Variants in DDX1 observed in about 807,000 individuals in gnomAD.
The protein encoded by DDX1 is DEAD-box helicase 1.
A neutral mutation model predicts 108.7 loss-of-function variants in DDX1; 28 were observed. The ratio of observed to expected loss-of-function variants is 0.26; its 90% CI spans 0.19 to 0.35. The LOEUF (loss-of-function observed/expected upper bound fraction) is 0.35. Ranked by LOEUF, DDX1 falls within the 10% of genes least tolerant of loss-of-function variation. DDX1 has a pLI of 1.00. For missense variants in DDX1, 710 were observed against 884.5 expected (o/e 0.80, Z 2.50); for synonymous variants, 295 against 288.9 (o/e 1.02, Z -0.21).
At chr2:15,596,594 A>T in intron 3 of DDX1, 140 bp from the exon 4 acceptor site, 1 of 670,738 alleles carries the variant, frequency 1.5e-6, no homozygotes, top group East Asian at 2.6e-5. Flanking sequence ...GAGTTGACAG[A>T]GGAACCCTGG....
chr2:15,629,710 G>A lies in DDX1; in HGVS notation c.1971+13G>A. ...CAACGAGATGCAGGTAAGACTTCGAGTTAGGCTCACAAATAATGTATTAAA... is the reference window on the plus strand; with the variant it reads ...CAACGAGATGCAGGTAAGACTTCGAATTAGGCTCACAAATAATGTATTAAA... On this transcript the variant is annotated intron_variant, in intron 24 of 25. Transcript: ENST00000233084. 6.6e-7 allele frequency: 1 copy of A among 1,523,154 alleles called. No individual in the cohort carries two copies. The highest frequency in any genetic ancestry group is 1.3e-5 in the South Asian group (1 of 77,646). 94.4% of individuals were successfully genotyped at this position (1,523,154 alleles called of 1,614,324 possible). A position where few individuals can be genotyped will look rare whatever the true frequency, so the allele number is the denominator to read the frequency against.
chr2:15,599,856 C>A, intron 6 of DDX1, 140 bp downstream of exon 6: 1 of 582,858 alleles, frequency 1.7e-6, no homozygotes, highest in Non-Finnish European at 3.0e-6. Flanking sequence ...CAGTATAGAA[C>A]TGACATAGGA....
intron 20 of DDX1, 126 bp downstream of exon 20, chr2:15,627,271 A>G: frequency 1.8e-6 from 1 of 544,146 alleles, no homozygotes; most frequent in Non-Finnish European, 3.2e-6. Flanking sequence ...TTCTACCCTA[A>G]CTAATGTGTC....
At chr2:15,606,903 G>T (rs1294386527) in intron 12 of DDX1, among the ~76,000 whole-genome samples, 1 of 152,124 alleles carries the variant, frequency 6.6e-6, no homozygotes, top group Admixed American at 6.5e-5. Context: ...GCTCACTGCA[G>T]CCTTGAATAC....
chr2:15,607,266 GAAC>G lies in DDX1; in HGVS notation c.914_916del (p.Asn305del). The G allele has an allele frequency of 6.2e-7, 1 of 1,613,288 alleles. No homozygotes were observed. Among genetic ancestry groups the G allele is most frequent in the Non-Finnish European group, 8.5e-7 (1 of 1,179,362 alleles). ...CCCGGGAGTTAGCTGAACAAACTTT[GAAC>G]AACATCAAGCAGTTTAAGAAATACA... On this transcript the variant is annotated inframe_deletion, in exon 13 of 26. Coordinates refer to ENST00000233084, the MANE Select transcript of DDX1 (RefSeq NM_004939.3).
intron 18 of DDX1, among the ~76,000 whole-genome samples, chr2:15,621,810 C>T (rs181756586): frequency 2.0e-4 from 30 of 151,816 alleles, no homozygotes; most frequent in Admixed American, 1.4e-3. Context: ...GTGCCACTAC[C>T]ACCTGGCTAA....
intron 12 of DDX1, 102 bp from the exon 13 acceptor site, chr2:15,607,073 T>C: frequency 3.6e-6 from 4 of 1,101,128 alleles, no homozygotes; most frequent in South Asian, 1.6e-5. Context: ...TTGACAATTA[T>C]TATGTAAAAT....
At chr2:15,607,032 G>GT in intron 12 of DDX1, 143 bp from the exon 13 acceptor site, 1 of 831,234 alleles carries the variant, frequency 1.2e-6, no homozygotes, top group Non-Finnish European at 1.8e-6. Context: ...GAAATCTAAG[G>GT]TTTATTCTGT....
At chr2:15,625,758 G>A (rs974366533) in intron 19 of DDX1, among the ~76,000 whole-genome samples, 16 of 152,102 alleles carry the variant, frequency 1.1e-4, no homozygotes, top group African/African-American at 3.9e-4. Context: ...TTGTACTGAG[G>A]AAAGACTAAC....
chr2:15,592,662 T>C (rs1477853630), intron 1 of DDX1, among the ~76,000 whole-genome samples: 1 of 152,160 alleles, frequency 6.6e-6, no homozygotes, highest in East Asian at 1.9e-4. Flanking sequence ...CCTCTTGCTT[T>C]ATCATCCTCC....
chr2:15,598,233 G>C (rs901608073), intron 5 of DDX1, among the ~76,000 whole-genome samples: 5 of 152,130 alleles, frequency 3.3e-5, no homozygotes, highest in Non-Finnish European at 7.4e-5. Context: ...CTTTTCAGTT[G>C]TTTGAAAGTA....
intron 19 of DDX1, 96 bp from the exon 20 acceptor site, chr2:15,626,958 G>A: frequency 1.5e-6 from 1 of 677,576 alleles, no homozygotes; most frequent in East Asian, 2.7e-5. Context: ...TTATGGAATT[G>A]TGTGGCACTA....
At chr2:15,595,585 C>T (rs1301583973) in intron 3 of DDX1, 32 bp downstream of exon 3, 2 of 1,434,562 alleles carry the variant, frequency 1.4e-6, no homozygotes, top group East Asian at 4.6e-5. Flanking sequence ...TGATTGGTAG[C>T]TGGGGACACA....
chr2:15,613,856 G>A (rs1317451577), intron 14 of DDX1, among the ~76,000 whole-genome samples: 1 of 133,274 alleles, frequency 7.5e-6, no homozygotes, highest in African/African-American at 2.8e-5. Flanking sequence ...TTTTTTTTGA[G>A]AAGGAGTTTC....
rs1246234527 is a variant in DDX1 at position 15,591,890 on chromosome 2, G to C, written c.-44G>C. ...GCCACTGCCACGCCGTGTCAGTCGG[G>C]AGGGAGGGAGCGAGCAGGCGAAGCC... is the stretch of plus-strand genomic sequence containing the variant. On this transcript the variant is annotated 5_prime_UTR_variant, in exon 1 of 26. Coordinates refer to ENST00000233084, the MANE Select transcript of DDX1 (RefSeq NM_004939.3). 5 of 1,467,894 alleles carry C rather than the reference G, an allele frequency of 3.4e-6. No homozygotes were observed. The highest frequency in any genetic ancestry group is 4.5e-6 in the Non-Finnish European group (5 of 1,108,726). The allele number at this position is 1,467,894 out of a possible 1,614,324, so 90.9% of individuals were successfully genotyped here.
At chr2:15,608,790 T>C (rs1028445260) in intron 13 of DDX1, among the ~76,000 whole-genome samples, 2 of 151,822 alleles carry the variant, frequency 1.3e-5, no homozygotes, top group Non-Finnish European at 2.9e-5. Context: ...TTCTCTCTCT[T>C]GCCTCAGCCT....
At chr2:15,615,444 A>G (rs1380127989) in intron 14 of DDX1, among the ~76,000 whole-genome samples, 1 of 152,212 alleles carries the variant, frequency 6.6e-6, no homozygotes, top group Non-Finnish European at 1.5e-5. Flanking sequence ...TATTTTGTTC[A>G]CTGCTGTGTA....
intron 13 of DDX1, among the ~76,000 whole-genome samples, chr2:15,609,306 A>G: frequency 6.6e-6 from 1 of 152,248 alleles, no homozygotes; most frequent in East Asian, 1.9e-4. Context: ...AAGATGGTAA[A>G]GTCATGGGCC....
chr2:15,625,687 AT>A (rs1355969544), intron 19 of DDX1, among the ~76,000 whole-genome samples: 1 of 152,170 alleles, frequency 6.6e-6, no homozygotes, highest in Non-Finnish European at 1.5e-5. Context: ...AAATATAAAT[AT>A]TGGAAAAATA....
Sources: allele counts gnomAD v4.1 joint callset (sites outside exome capture counted in the v4.1 genomes callset), GRCh38; gene constraint gnomAD v4.1.1; transcripts MANE v1.5; gene names NCBI Gene and HGNC (gene_info 2026-07-23, HGNC 2026-07-21).